The following KLF17 variants were observed in gnomAD, a reference collection of about 807,000 sequenced individuals.
KLF17 encodes KLF transcription factor 17.
Under a neutral mutation model 34.2 loss-of-function variants are expected in KLF17, and 31 were observed. The ratio of observed to expected loss-of-function variants is 0.91; its 90% CI spans 0.68 to 1.22. The LOEUF is 1.22. KLF17 is among the 50% of genes most tolerant of loss of function. The pLI is 0.00. For missense variants in KLF17, 478 were observed against 505.2 expected (o/e 0.95, Z 0.52); for synonymous variants, 179 against 186.7 (o/e 0.96, Z 0.34).
At chr1:44,069,565 G>A in the KLF17 span, among the ~76,000 whole-genome samples, 2 of 151,848 alleles carry the variant, frequency 1.3e-5, no homozygotes, top group East Asian at 1.9e-4. This position sits in a 1 kb window ranked among gnomAD's most constrained non-coding sequence, Gnocchi z 4.7. Context: ...GTAATTCAGC[G>A]AGAAATCACT....
the KLF17 span, chr1:44,104,050 T>C: frequency 6.9e-6 from 6 of 872,294 alleles, no homozygotes. Flanking sequence ...ACCACAGACG[T>C]GGCGGAGATC....
At chr1:44,080,458 T>A in the KLF17 span, among the ~76,000 whole-genome samples, 8 of 151,844 alleles carry the variant, frequency 5.3e-5, no homozygotes, top group African/African-American at 1.9e-4. Flanking sequence ...CAGTATGGTC[T>A]CCATCTCCTG....
chr1:44,084,082 C>G, the KLF17 span, among the ~76,000 whole-genome samples: 1 of 152,200 alleles, frequency 6.6e-6, no homozygotes, highest in South Asian at 2.1e-4. Flanking sequence ...CCATTTTATA[C>G]ATAAATGTTT....
chr1:44,122,261 T>C, intron 1 of KLF17: 1 of 1,603,036 alleles, frequency 6.2e-7, no homozygotes, highest in Non-Finnish European at 8.5e-7. Context: ...TCACCTTAGG[T>C]TCAACATCCA....
At chr1:44,088,609 G>A in the KLF17 span, 5 of 152,342 alleles carry the variant, frequency 3.3e-5, no homozygotes, top group East Asian at 5.8e-4. Flanking sequence ...AGTCCTATGC[G>A]ATAGGGCCAC....
In KLF17 at chr1:44,130,759, C is replaced by G; in HGVS notation, c.*3C>G. 6.2e-7 allele frequency: 1 copy of G among 1,613,724 alleles called. No homozygotes were observed. Among genetic ancestry groups the G allele is most frequent in the Non-Finnish European group, 8.5e-7 (1 of 1,179,740 alleles). ...GTCCTCCTGCTGCTGGTCCTTAGGT[C>G]AGTCTCCTCTCCTCATTCTGGGTTT... On this transcript the variant is annotated splice_donor_region_variant and intron_variant, in intron 3 of 3. Transcript: ENST00000372299.
At chr1:44,085,991 G>A in the KLF17 span, among the ~76,000 whole-genome samples, 5 of 152,178 alleles carry the variant, frequency 3.3e-5, no homozygotes, top group South Asian at 4.2e-4. Context: ...GGTGTCCAAG[G>A]AGGAGAGAGT....
At chr1:44,044,255 G>A in the KLF17 span, among the ~76,000 whole-genome samples, 5 of 152,330 alleles carry the variant, frequency 3.3e-5, no homozygotes, top group African/African-American at 1.2e-4. Flanking sequence ...CTCAATGACC[G>A]GACTGTGGTT....
chr1:44,047,024 C>T, the KLF17 span, among the ~76,000 whole-genome samples: 1 of 40,658 alleles, frequency 2.5e-5, no homozygotes, highest in Non-Finnish European at 3.9e-5. Context: ...AAGACTCAGT[C>T]TCAAAAAAAA....
chr1:44,109,420 A>G, the KLF17 span, among the ~76,000 whole-genome samples: 2 of 152,238 alleles, frequency 1.3e-5, no homozygotes, highest in South Asian at 4.1e-4. Flanking sequence ...GCAATTTTAT[A>G]CAATAATCCA....
chr1:44,083,170 A>G, the KLF17 span, among the ~76,000 whole-genome samples: 1 of 151,602 alleles, frequency 6.6e-6, no homozygotes, highest in African/African-American at 2.4e-5. Context: ...CTGGGCTCAA[A>G]CTCCTGGGCT....
the KLF17 span, among the ~76,000 whole-genome samples, chr1:44,059,391 C>T: frequency 6.6e-6 from 1 of 152,198 alleles, no homozygotes; most frequent in Non-Finnish European, 1.5e-5. Context: ...GTTTGATTTC[C>T]TCATTACCCT....
At chr1:44,103,762 C>T in the KLF17 span, 10 of 1,139,486 alleles carry the variant, frequency 8.8e-6, no homozygotes, top group African/African-American at 4.5e-5. Context: ...TCAGGCTGCT[C>T]GGCATCTGTG....
the KLF17 span, among the ~76,000 whole-genome samples, chr1:44,080,127 C>T: frequency 6.6e-6 from 1 of 151,826 alleles, no homozygotes; most frequent in Non-Finnish European, 1.5e-5. Context: ...TGGGATTTCA[C>T]CATGTTGGCC....
At chr1:44,097,112 G>A in the KLF17 span, among the ~76,000 whole-genome samples, 13 of 152,076 alleles carry the variant, frequency 8.5e-5, no homozygotes, top group African/African-American at 1.4e-4. Flanking sequence ...TGTTTTTGTC[G>A]GGTTGATCAG....
At chr1:44,103,727 G>T in the KLF17 span, 1 of 1,447,348 alleles carries the variant, frequency 6.9e-7, no homozygotes, top group Non-Finnish European at 9.6e-7. Context: ...ACAGCTTGGC[G>T]TTGGCACCCT....
At chr1:44,070,590 CTTTTTTTT>C in the KLF17 span, among the ~76,000 whole-genome samples, 23 of 78,678 alleles carry the variant, frequency 2.9e-4, no homozygotes, top group African/African-American at 8.8e-4. Context: ...TTTCCCTTGT[CTTTTTTTT>C]TTTTTTTTTT....
At chr1:44,125,757 C>T (rs557688240) in intron 1 of KLF17, among the ~76,000 whole-genome samples, 97 of 152,296 alleles carry the variant, frequency 6.4e-4, no homozygotes, top group Non-Finnish European at 1.1e-3. Flanking sequence ...CATGAGCCAC[C>T]GCACCTGGCC....
At chr1:44,049,906 G>C in the KLF17 span, among the ~76,000 whole-genome samples, 1 of 152,188 alleles carries the variant, frequency 6.6e-6, no homozygotes, top group Admixed American at 6.5e-5. Context: ...TAGCTTTTCA[G>C]TTTCAAATAA....
Sources: allele counts gnomAD v4.1 joint callset (sites outside exome capture counted in the v4.1 genomes callset), GRCh38; gene constraint gnomAD v4.1.1; non-coding constraint Gnocchi (gnomAD v3.1); transcripts MANE v1.5; gene names NCBI Gene and HGNC (gene_info 2026-07-23, HGNC 2026-07-21).